Variants in IPPK observed in about 807,000 individuals in gnomAD.
IPPK encodes IPK1 homolog.
IPPK carries 22 observed loss-of-function variants against 64.6 expected under a neutral mutation model. The ratio of observed to expected loss-of-function variants is 0.34; its 90% CI spans 0.24 to 0.49. IPPK has a LOEUF of 0.49. IPPK is among the 20% of genes least tolerant of loss of function. IPPK has a pLI of 0.99. For missense variants in IPPK, 532 were observed against 630.7 expected, an observed-to-expected ratio of 0.84 and a Z score of 1.68; for synonymous variants, 262 against 247.2, an observed-to-expected ratio of 1.06 and a Z score of -0.56.
rs751159080 is a variant in IPPK at position 92,635,340 on chromosome 9, T to C, written c.917-32A>G. 14 of 1,597,050 alleles carry C rather than the reference T, an allele frequency of 8.8e-6. No homozygotes were observed. The highest frequency in any genetic ancestry group is 1.8e-5 in the Admixed American group (1 of 56,326). The stretch of plus-strand genomic sequence containing the variant: ...AGAACATCAGGGGAAAACGAGAGCA[T>C]GTTGATTATCAAAGAACGTGGAGGG... On this transcript the variant is annotated intron_variant, in intron 9 of 12. Coordinates refer to ENST00000287996, the MANE Select transcript of IPPK (RefSeq NM_022755.6). This position sits in a 1 kb window ranked among gnomAD's most constrained non-coding sequence, Gnocchi z 4.4.
chr9:92,632,566 A>G (rs891283632), intron 11 of IPPK, among the ~76,000 whole-genome samples: 54 of 152,378 alleles, frequency 3.5e-4, no homozygotes, highest in Non-Finnish European at 6.3e-4. Context: ...TTCTCTTAGG[A>G]AAAAACCCGC....
chr9:92,667,836 G>A (rs890183705), intron 1 of IPPK, among the ~76,000 whole-genome samples: 10 of 152,266 alleles, frequency 6.6e-5, no homozygotes, highest in Admixed American at 5.2e-4. Context: ...CCAGGAGGCA[G>A]AGGTTGCAGT....
At chr9:92,619,242 G>C in intron 12 of IPPK, 1 of 479,058 alleles carries the variant, frequency 2.1e-6, no homozygotes, top group Admixed American at 3.2e-5. Context: ...TTAGAAAACA[G>C]TAACTTTCAA....
intron 3 of IPPK, among the ~76,000 whole-genome samples, chr9:92,655,531 T>C (rs72756433): frequency 0.04 from 6,034 of 152,202 alleles, 183 homozygotes; most frequent in South Asian, 0.11. Context: ...AATGCTCCCC[T>C]ATCCTGTCCC....
rs151241113 is a variant in IPPK at position 92,620,717 on chromosome 9, G to A, written c.1171-1152C>T. On this transcript the variant is annotated intron_variant, in intron 11 of 12. Coordinates refer to ENST00000287996, the MANE Select transcript of IPPK (RefSeq NM_022755.6). ...GGGAGTGGGGAGAACCTCAAAGCAC[G>A]GATTTAGCTCAGGCCCACACACTAT... 3.3e-5 allele frequency among the ~76,000 whole-genome samples: 5 copies of A among 152,246 alleles called. No homozygotes were observed. In the East Asian group the frequency reaches 5.8e-4, roughly 18 times the overall value.
chr9:92,657,798 T>G (rs373565873), intron 2 of IPPK, among the ~76,000 whole-genome samples: 2 of 152,100 alleles, frequency 1.3e-5, no homozygotes, highest in Non-Finnish European at 2.9e-5. Context: ...CTTTCTACTG[T>G]GCCCACGCGG....
rs145687389 is a variant in IPPK, at chr9:92,660,937, C to T, written c.82-2256G>A. ...GCACAGGGCACTATACAAAGAAAAA[C>T]CATACACAGGTCCCAGGAGAAAAAG... On this transcript the variant is annotated intron_variant, in intron 1 of 12. Transcript: ENST00000287996. Among the ~76,000 whole-genome samples the T allele has an allele frequency of 2.6e-3, 399 of 152,236 alleles. 2 individuals carry two copies. Among genetic ancestry groups the T allele is most frequent in the Admixed American group, 5.3e-3 (81 of 15,290 alleles).
chr9:92,635,470 T>A lies in IPPK; in HGVS notation c.917-162A>T, dbSNP rs979280766. The A allele has an allele frequency of 1.4e-6, 1 of 708,856 alleles. No individual in the cohort carries two copies. The highest frequency in any genetic ancestry group is 2.2e-6 in the Non-Finnish European group (1 of 447,320). 43.9% of individuals were successfully genotyped at this position (708,856 alleles called of 1,614,324 possible). ...GGACTGGCACTAAGGACAGACGAGA[T>A]GACGCTCCCGCCTCACAGAGCTGCT... On this transcript the variant is annotated intron_variant, in intron 9 of 12. Coordinates refer to ENST00000287996, the MANE Select transcript of IPPK (RefSeq NM_022755.6). This position sits in a 1 kb window ranked among gnomAD's most constrained non-coding sequence, Gnocchi z 4.4.
chr9:92,661,839 C>G (rs1852491208), intron 1 of IPPK, among the ~76,000 whole-genome samples: 1 of 152,254 alleles, frequency 6.6e-6, no homozygotes, highest in South Asian at 2.1e-4. Context: ...ATGTGAGGGA[C>G]CTGATCAGGC....
chr9:92,667,902 C>A (rs117239070), intron 1 of IPPK, among the ~76,000 whole-genome samples: 5,797 of 148,796 alleles, frequency 0.039, 152 homozygotes, highest in Middle Eastern at 0.076. Context: ...GACTCCGTCT[C>A]AAAAAAAAAG....
chr9:92,622,381 A>G (rs1039934681), intron 11 of IPPK, among the ~76,000 whole-genome samples: 1 of 152,182 alleles, frequency 6.6e-6, no homozygotes, highest in Admixed American at 6.5e-5. Context: ...GACTACGATT[A>G]CATATAAAGA....
At chr9:92,623,250 T>A (rs1417956732) in intron 11 of IPPK, among the ~76,000 whole-genome samples, 2 of 151,950 alleles carry the variant, frequency 1.3e-5, no homozygotes, top group African/African-American at 4.8e-5. Flanking sequence ...CTGGCTAACA[T>A]GGTGAAACCC....
chr9:92,613,298 A>C lies in IPPK; in HGVS notation c.*2534T>G. 1 of 808,044 alleles carries C rather than the reference A, an allele frequency of 1.2e-6. No homozygotes were observed. Among genetic ancestry groups the C allele is most frequent in the Non-Finnish European group, 1.9e-6 (1 of 514,826 alleles). The allele number at this position is 808,044 out of a possible 1,614,324, so 50.1% of individuals were successfully genotyped here. A position where few individuals can be genotyped will look rare whatever the true frequency, so the allele number is the denominator to read the frequency against. ...TATGGCACATTATATGGAAACTCTC[A>C]TGACATGAAAAATAAATACAACTAG... On this transcript the variant is annotated 3_prime_UTR_variant, in exon 13 of 13. Transcript: ENST00000287996.
At chr9:92,640,084 C>T (rs559525271) in intron 8 of IPPK, among the ~76,000 whole-genome samples, 65 of 152,344 alleles carry the variant, frequency 4.3e-4, no homozygotes, top group African/African-American at 1.5e-3. Context: ...GCTGTCAGCT[C>T]CTGCAGGGAG....
chr9:92,638,013 G>A lies in IPPK; in HGVS notation c.904C>T (p.Leu302Phe), dbSNP rs192027946. 1.2e-4 allele frequency: 192 copies of A among 1,579,386 alleles called. 1 individual carries two copies. In the East Asian group the frequency reaches 3.6e-3, roughly 30 times the overall value. ...VCEASPFSRS[L>F]RCQGKNTPER... Reference sequence around the variant, plus strand: ...GGCTGGGCCCTACCTTGGCAGCGAAGGCTCCTACTGAAAGGGCTGGCTTCG... The same window carrying A: ...GGCTGGGCCCTACCTTGGCAGCGAAAGCTCCTACTGAAAGGGCTGGCTTCG... Residue 302 changes from leucine to phenylalanine, a missense_variant, in exon 9 of 13, where the codon CTT becomes TTT. Coordinates refer to ENST00000287996, the MANE Select transcript of IPPK (RefSeq NM_022755.6).
intron 10 of IPPK, 54 bp from the exon 11 acceptor site, chr9:92,634,542 T>C: frequency 7.9e-7 from 1 of 1,263,886 alleles, no homozygotes; most frequent in Non-Finnish European, 1.2e-6. Flanking sequence ...GGAGGTTGTT[T>C]CTTAAACTGC....
chr9:92,621,507 CT>C (rs58003734), intron 11 of IPPK, among the ~76,000 whole-genome samples: 2,534 of 87,674 alleles, frequency 0.029, 13 homozygotes, highest in African/African-American at 0.063. Flanking sequence ...AATACCATTC[CT>C]TTTTTTTTTT....
chr9:92,664,571 G>T (rs753569290), intron 1 of IPPK, among the ~76,000 whole-genome samples: 1 of 152,216 alleles, frequency 6.6e-6, no homozygotes, highest in Non-Finnish European at 1.5e-5. Flanking sequence ...AGAACATGGG[G>T]AGGCCTGTGG....
Position 92,635,285 on chromosome 9 carries a change from C to T in IPPK, c.940G>A (p.Gly314Arg). 6.2e-7 allele frequency: 1 copy of T among 1,613,564 alleles called. No individual in the cohort carries two copies. Among genetic ancestry groups the T allele is most frequent in the Non-Finnish European group, 8.5e-7 (1 of 1,179,828 alleles). Residue 314 changes from glycine (G) to arginine (R), a missense_variant, in exon 10 of 13, where the codon GGG (glycine) becomes AGG (arginine). Transcript: ENST00000287996. This position sits in a 1 kb window ranked among gnomAD's most constrained non-coding sequence, Gnocchi z 4.4. Reference protein sequence around the residue: ...CQGKNTPERSGLPKGCLLYKT... With the variant: ...CQGKNTPERSRLPKGCLLYKT... ...TACAGAAGACAGCCCTTCGGTAACCCCGAGCGCTCTGGGGTGTTTTTTCCT... is the reference window on the plus strand; with the variant it reads ...TACAGAAGACAGCCCTTCGGTAACCTCGAGCGCTCTGGGGTGTTTTTTCCT...
Sources: allele counts gnomAD v4.1 joint callset (sites outside exome capture counted in the v4.1 genomes callset), GRCh38; gene constraint gnomAD v4.1.1; non-coding constraint Gnocchi (gnomAD v3.1); transcripts MANE v1.5; gene names NCBI Gene and HGNC (gene_info 2026-07-23, HGNC 2026-07-21).